The following VWDE variants were observed in gnomAD, a reference collection of about 807,000 sequenced individuals.
VWDE encodes the protein von Willebrand factor D and EGF domain-containing protein.
VWDE carries 207 observed loss-of-function variants against 178.4 expected under a neutral mutation model. That is an observed-to-expected ratio of 1.16 (90% CI 1.04 to 1.30). VWDE has a LOEUF of 1.30. VWDE is among the 50% of genes most tolerant of loss of function. The probability of loss-of-function intolerance (pLI) is 0.00; values close to 1 mark genes in which losing one functional copy is unlikely to be tolerated. For missense variants in VWDE, 2,287 were observed against 1,901.3 expected (o/e 1.20, Z -3.77); for synonymous variants, 738 against 651.4 (o/e 1.13, Z -2.02).
chr7:12,334,152 C>T (rs923580245), intron 27 of VWDE, among the ~76,000 whole-genome samples: 2 of 151,890 alleles, frequency 1.3e-5, no homozygotes, highest in African/African-American at 4.8e-5. Flanking sequence ...TTATCATCTA[C>T]CTGTAGAAAG....
Position 12,351,642 on chromosome 7 carries a change from T to TA in VWDE, c.3816dup (p.Lys1273Ter), listed in dbSNP as rs11454536. On this transcript the variant is annotated frameshift_variant, in exon 19 of 29. Coordinates refer to ENST00000275358, the MANE Select transcript of VWDE (RefSeq NM_001135924.3). LOFTEE classifies it high-confidence loss of function. ...TGGGCATTTTTATCATCCTCTTCTT[T>TA]ATTTACACTTTTATCAGATCTTGTG... 0.11 allele frequency: 174,064 copies of TA among 1,549,860 alleles called. 10,386 individuals carry two copies. Among genetic ancestry groups the TA allele is most frequent in the East Asian group, 0.21 (8,602 of 40,768 alleles).
chr7:12,371,717 G>GTA (rs1783211764), intron 10 of VWDE, among the ~76,000 whole-genome samples: 1 of 151,938 alleles, frequency 6.6e-6, no homozygotes. Context: ...TTCCTCAAAA[G>GTA]CCTCTTTTAT....
chr7:12,344,128 A>G, intron 21 of VWDE, 67 bp downstream of exon 21: 1 of 1,351,660 alleles, frequency 7.4e-7, no homozygotes, highest in South Asian at 1.3e-5. Flanking sequence ...TGTCTTGTAA[A>G]ATGGTTTTTA....
Position 12,370,518 on chromosome 7 carries a change from T to A in VWDE, c.1797-9A>T, listed in dbSNP as rs1250915025. 6.5e-7 allele frequency: 1 copy of A among 1,534,204 alleles called. No individual in the cohort carries two copies. Among genetic ancestry groups the A allele is most frequent in the East Asian group, 2.5e-5 (1 of 40,794 alleles). ...TTTTTCCTGGTAAAATCCTTCCAGA[T>A]GGAAAACAGGAAAGAATAGTAATTT... On this transcript the variant is annotated splice_polypyrimidine_tract_variant and intron_variant, in intron 11 of 28. Coordinates refer to ENST00000275358, the MANE Select transcript of VWDE (RefSeq NM_001135924.3).
chr7:12,370,830 T>A lies in VWDE; in HGVS notation c.1622A>T (p.Asp541Val). ...WFSSGAFIRADLGEWGMSLTI... is the reference protein window; with the variant it reads ...WFSSGAFIRAVLGEWGMSLTI... ...TAGACTCATGCCCCATTCACCAAGA[T>A]CAGCACGGATAAATGCCCCAGAAGA... Residue 541 changes from aspartate (D) to valine (V), a missense_variant, in exon 11 of 29, where the codon GAT becomes GTT. Coordinates refer to ENST00000275358, the MANE Select transcript of VWDE (RefSeq NM_001135924.3). 1 of 1,548,004 alleles carries A rather than the reference T, an allele frequency of 6.5e-7. No individual in the cohort carries two copies. The highest frequency in any genetic ancestry group is 1.2e-5 in the South Asian group (1 of 82,908).
chr7:12,385,737 G>C (rs1166361680), intron 3 of VWDE, among the ~76,000 whole-genome samples: 2 of 152,124 alleles, frequency 1.3e-5, no homozygotes. Flanking sequence ...GTATTCCAAG[G>C]CAAGCTTCTA....
intron 3 of VWDE, among the ~76,000 whole-genome samples, chr7:12,388,025 A>C (rs1460156835): frequency 6.6e-6 from 1 of 152,154 alleles, no homozygotes; most frequent in African/African-American, 2.4e-5. Context: ...TGAAGACTGT[A>C]CTCAGATTTT....
chr7:12,393,802 TTATGTAA>T, intron 1 of VWDE, 24 bp from the exon 2 acceptor site: 1 of 1,509,410 alleles, frequency 6.6e-7, no homozygotes, highest in Non-Finnish European at 8.9e-7. Flanking sequence ...ACAGGTGTTT[TTATGTAA>T]TGTGTTTTGT....
intron 13 of VWDE, among the ~76,000 whole-genome samples, chr7:12,363,262 G>A (rs2128553833): frequency 6.6e-6 from 1 of 152,170 alleles, no homozygotes; most frequent in South Asian, 2.1e-4. Flanking sequence ...GACACTGGGA[G>A]CAGAAGTGGA....
At chr7:12,379,394 A>T in intron 6 of VWDE, 83 bp downstream of exon 6, 1 of 954,216 alleles carries the variant, frequency 1.0e-6, no homozygotes, top group Non-Finnish European at 1.5e-6. Flanking sequence ...GATGAGGTAC[A>T]GAAACCAGCA....
At chr7:12,360,430 T>C (rs961368630) in intron 15 of VWDE, among the ~76,000 whole-genome samples, 23 of 152,018 alleles carry the variant, frequency 1.5e-4, no homozygotes, top group Middle Eastern at 3.2e-3. Context: ...TTGGGAAAAA[T>C]AAAAATCAAA....
chr7:12,389,693 T>C (rs1299492720), intron 2 of VWDE, among the ~76,000 whole-genome samples: 2 of 152,158 alleles, frequency 1.3e-5, no homozygotes, highest in Non-Finnish European at 2.9e-5. Flanking sequence ...GACAAGTCAA[T>C]CTGAAGTTAT....
At chr7:12,368,822 G>T (rs1053025367) in intron 12 of VWDE, among the ~76,000 whole-genome samples, 21 of 152,080 alleles carry the variant, frequency 1.4e-4, no homozygotes, top group Non-Finnish European at 2.1e-4. Flanking sequence ...GAAATGAAAT[G>T]CTTTGAAGCT....
At position 12,357,568 on chromosome 7, in the gene VWDE, T is replaced by A. The variant is rs1415359821; in HGVS notation, c.3275-53A>T. 3.9e-6 allele frequency: 6 copies of A among 1,532,880 alleles called. No homozygotes were observed. The African/African-American group carries it at 5.5e-5, about 14-fold the overall frequency. 95.0% of individuals were successfully genotyped at this position (1,532,880 alleles called of 1,614,324 possible). A position where few individuals can be genotyped will look rare whatever the true frequency, so the allele number is the denominator to read the frequency against. On this transcript the variant is annotated intron_variant, in intron 16 of 28. Coordinates refer to ENST00000275358, the MANE Select transcript of VWDE (RefSeq NM_001135924.3). ...TACCCGTGTAGAAAAAGGAATGAAG[T>A]GTACTTCTGAGAGCTCCCACAGAGA...
In VWDE at chr7:12,370,680, T is replaced by G. The variant is rs191100340; in HGVS notation, c.1772A>C (p.Tyr591Ser). ...GMQIDQNFNN[Y>S]VAFINEWRIL... ...CCTCCATTCATTAATAAAAGCAACA[T>G]AATTGTTAAAATTTTGATCAATTTG... The change falls in exon 11 of 29, where the codon TAT becomes TCT. Residue 591 changes from tyrosine (Y) to serine (S), a missense_variant. Transcript: ENST00000275358. The G allele has an allele frequency of 1.1e-4, 176 of 1,551,112 alleles. 2 individuals are homozygous for G. The Admixed American group carries it at 3.4e-3, about 30-fold the overall frequency.
chr7:12,370,896 G>C, intron 10 of VWDE, 32 bp from the exon 11 acceptor site: 2 of 1,457,076 alleles, frequency 1.4e-6, no homozygotes, highest in Non-Finnish European at 1.8e-6. Flanking sequence ...AGAAATAAAA[G>C]ATGTTGAAGC....
At chr7:12,390,809 T>A (rs1039611878) in intron 2 of VWDE, among the ~76,000 whole-genome samples, 2 of 151,984 alleles carry the variant, frequency 1.3e-5, no homozygotes, top group Non-Finnish European at 2.9e-5. Context: ...TTAAAAATTA[T>A]CACTATGTTT....
intron 21 of VWDE, among the ~76,000 whole-genome samples, chr7:12,343,728 G>A (rs1001871650): frequency 3.3e-5 from 5 of 151,872 alleles, no homozygotes; most frequent in African/African-American, 7.3e-5. Flanking sequence ...TAAATTTTCC[G>A]CTTAAGATTT....
chr7:12,363,683 G>A (rs555517178), intron 13 of VWDE, among the ~76,000 whole-genome samples: 1 of 148,996 alleles, frequency 6.7e-6, no homozygotes, highest in East Asian at 2.1e-4. Context: ...ATGAAAAGAA[G>A]GAGTGATGGA....
Sources: allele counts gnomAD v4.1 joint callset (sites outside exome capture counted in the v4.1 genomes callset), GRCh38; gene constraint gnomAD v4.1.1; transcripts MANE v1.5; gene names NCBI Gene and HGNC (gene_info 2026-07-23, HGNC 2026-07-21).